The following NCAM2 variants were observed in gnomAD, a reference collection of about 807,000 sequenced individuals.
NCAM2 encodes the protein neural cell adhesion molecule 2, also known as N-CAM-2.
Under a neutral mutation model 98.1 loss-of-function variants are expected in NCAM2, and 30 were observed. That is an observed-to-expected ratio of 0.31 (90% CI 0.23 to 0.41). The LOEUF is 0.41. NCAM2 is among the 10% of genes least tolerant of loss of function. The pLI, the probability that NCAM2 is intolerant of heterozygous loss-of-function variation, is 1.00. For missense variants in NCAM2, 867 were observed against 1,005.8 expected (o/e 0.86, Z 1.87); for synonymous variants, 368 against 342.4 (o/e 1.07, Z -0.83).
Position 21,537,959 on chromosome 21 carries a change from A to C in NCAM2, c.*2A>C, listed in dbSNP as rs774354450. On this transcript the variant is annotated 3_prime_UTR_variant, in exon 18 of 18. Transcript: ENST00000400546. ...AAAGAAGACGACAGCAAAGCATAAC[A>C]ACAATATTACAGGGGCTTGAACAAC... 1 of 1,497,084 alleles carries C rather than the reference A, an allele frequency of 6.7e-7. No homozygotes were observed. Among genetic ancestry groups the C allele is most frequent in the South Asian group, 1.2e-5 (1 of 80,870 alleles). 92.7% of individuals were successfully genotyped at this position (1,497,084 alleles called of 1,614,324 possible).
intron 11 of NCAM2, among the ~76,000 whole-genome samples, chr21:21,426,896 A>C (rs551643819): frequency 6.6e-6 from 1 of 152,328 alleles, no homozygotes; most frequent in Non-Finnish European, 1.5e-5. Flanking sequence ...GGAGTGTCTT[A>C]AATCGTATAA....
At chr21:21,270,578 G>A (rs902600568) in intron 1 of NCAM2, among the ~76,000 whole-genome samples, 9 of 152,120 alleles carry the variant, frequency 5.9e-5, no homozygotes, top group African/African-American at 2.2e-4. Context: ...TATGTTTGGA[G>A]TTGTGACTTC....
chr21:21,397,246 A>G (rs986721169), intron 9 of NCAM2, among the ~76,000 whole-genome samples: 1 of 151,970 alleles, frequency 6.6e-6, no homozygotes, highest in Non-Finnish European at 1.5e-5. Flanking sequence ...CCACGATTCC[A>G]CCCAGAACTT....
chr21:21,495,889 A>G (rs1467805816), intron 15 of NCAM2, among the ~76,000 whole-genome samples: 2 of 151,436 alleles, frequency 1.3e-5, no homozygotes, highest in Non-Finnish European at 2.9e-5. Flanking sequence ...CTAACCTCAC[A>G]TTATTTTTTT....
intron 1 of NCAM2, among the ~76,000 whole-genome samples, chr21:21,214,742 T>TTCC (rs1368833839): frequency 0.011 from 1,100 of 104,260 alleles, 21 homozygotes; most frequent in African/African-American, 0.03. Context: ...TATATATATA[T>TTCC]ATATACACTA....
At chr21:21,414,563 G>A (rs1043890559) in intron 10 of NCAM2, among the ~76,000 whole-genome samples, 1 of 148,740 alleles carries the variant, frequency 6.7e-6, no homozygotes, top group South Asian at 2.1e-4. Flanking sequence ...TCCGCTTCCC[G>A]GGTTCACACC....
At chr21:21,457,846 A>T (rs1297722762) in intron 12 of NCAM2, among the ~76,000 whole-genome samples, 1 of 152,200 alleles carries the variant, frequency 6.6e-6, no homozygotes, top group Non-Finnish European at 1.5e-5. Context: ...TTATTAATCA[A>T]AAAGGATGCA....
Position 21,432,256 on chromosome 21 carries a change from A to G in NCAM2, c.1629A>G (p.Lys543=), listed in dbSNP as rs773425946. 7.4e-6 allele frequency: 12 copies of G among 1,614,044 alleles called. No homozygotes were observed. Among genetic ancestry groups the G allele is most frequent in the Non-Finnish European group, 1.0e-5 (12 of 1,179,950 alleles). ...AAGAAGTAGCGTCAGAAATCTGGAA[A>G]ATTGTACGCTCCCATGGAGTTCAAA... is the stretch of plus-strand genomic sequence containing the variant. ...DVKEVASEIW[K]IVRSHGVQTM... is the part of the protein sequence containing the mutation. The change falls in exon 12 of 18, where the codon AAA becomes AAG. Residue 543 remains lysine, a synonymous_variant. Coordinates refer to ENST00000400546, the MANE Select transcript of NCAM2 (RefSeq NM_004540.5).
At chr21:21,439,573 AAT>A (rs1409203382) in intron 12 of NCAM2, among the ~76,000 whole-genome samples, 4 of 152,130 alleles carry the variant, frequency 2.6e-5, no homozygotes, top group African/African-American at 9.7e-5. Flanking sequence ...AGGGTTTTGA[AAT>A]ATAGATTTTG....
At chr21:21,034,319 T>C (rs2064754654) in intron 1 of NCAM2, among the ~76,000 whole-genome samples, 1 of 152,166 alleles carries the variant, frequency 6.6e-6, no homozygotes, top group Non-Finnish European at 1.5e-5. Flanking sequence ...AAAAGGTTGA[T>C]GTTTGGAGTA....
intron 14 of NCAM2, among the ~76,000 whole-genome samples, chr21:21,469,664 T>A (rs973046): frequency 6.6e-6 from 1 of 151,818 alleles, no homozygotes; most frequent in East Asian, 1.9e-4. Context: ...TATTTTCTCA[T>A]CAATTTTCTA....
intron 1 of NCAM2, among the ~76,000 whole-genome samples, chr21:21,090,152 C>T (rs965870018): frequency 6.6e-6 from 1 of 152,290 alleles, no homozygotes; most frequent in Non-Finnish European, 1.5e-5. Flanking sequence ...TCAGAATCAG[C>T]CTTTCACAAT....
rs907553974 is a variant in NCAM2, at chr21:21,541,188, A to G, written c.*3231A>G. 6.6e-6 allele frequency: 1 copy of G among 151,430 alleles called. No homozygotes were observed. The highest frequency in any genetic ancestry group is 1.5e-5 in the Non-Finnish European group (1 of 67,634). 9.4% of individuals were successfully genotyped at this position (151,430 alleles called of 1,614,324 possible). Reference sequence around the variant, plus strand: ...GATCATATCTTTGTTTATGCTTCTTATTTTAAATAATTAAGATGTATCTGT... The same window carrying G: ...GATCATATCTTTGTTTATGCTTCTTGTTTTAAATAATTAAGATGTATCTGT... On this transcript the variant is annotated 3_prime_UTR_variant, in exon 18 of 18. Coordinates refer to ENST00000400546, the MANE Select transcript of NCAM2 (RefSeq NM_004540.5).
intron 5 of NCAM2, 146 bp downstream of exon 5, chr21:21,292,387 C>T: frequency 2.6e-6 from 2 of 760,892 alleles, no homozygotes; most frequent in Non-Finnish European, 4.1e-6. Context: ...TTTATTATGG[C>T]ATCTGTAACA....
rs551811683 is a variant in NCAM2 at position 21,333,023 on chromosome 21, G to A, written c.738-2482G>A. 7.9e-5 allele frequency among the ~76,000 whole-genome samples: 12 copies of A among 152,274 alleles called. No homozygotes were observed. The South Asian group carries it at 2.3e-3, about 29-fold the overall frequency. On this transcript the variant is annotated intron_variant, in intron 6 of 17. Transcript: ENST00000400546. ...CATTCTTGTACCTGAAAAAGGGGACGCTTAGAGAAGTGGTTTGAGTTTCAA... is the reference window on the plus strand; with the variant it reads ...CATTCTTGTACCTGAAAAAGGGGACACTTAGAGAAGTGGTTTGAGTTTCAA...
chr21:21,530,222 A>G (rs1989576343), intron 16 of NCAM2, among the ~76,000 whole-genome samples: 1 of 64,948 alleles, frequency 1.5e-5, no homozygotes, highest in Admixed American at 1.5e-4. Context: ...AATTTAATTT[A>G]ATTATATATA....
intron 9 of NCAM2, among the ~76,000 whole-genome samples, chr21:21,381,212 T>G (rs559640613): frequency 1.3e-5 from 2 of 152,174 alleles, no homozygotes; most frequent in Non-Finnish European, 2.9e-5. Context: ...TTTTTTCTCT[T>G]GTAAACCATG....
intron 12 of NCAM2, among the ~76,000 whole-genome samples, chr21:21,440,574 T>A (rs537216899): frequency 3.5e-3 from 531 of 151,808 alleles, no homozygotes; most frequent in Admixed American, 4.5e-3. Context: ...CCAGCTACTC[T>A]GGAGGCTGAG....
At chr21:21,523,542 A>G (rs2146395516) in intron 16 of NCAM2, among the ~76,000 whole-genome samples, 1 of 152,068 alleles carries the variant, frequency 6.6e-6, no homozygotes, top group Non-Finnish European at 1.5e-5. Context: ...TCTTATTCTT[A>G]TTCATAAGAT....
Sources: gnomAD v4.1 joint callset for allele counts (sites outside exome capture counted in the v4.1 genomes callset) on GRCh38, gnomAD v4.1.1 for gene constraint, MANE v1.5 for transcripts, NCBI Gene and HGNC (gene_info 2026-07-23, HGNC 2026-07-21) for gene names.